Variants in NLGN4X observed in about 807,000 individuals in gnomAD.
The protein encoded by NLGN4X is neuroligin 4 X-linked, also known as neuroligin-4, X-linked.
Under a neutral mutation model 40.3 loss-of-function variants are expected in NLGN4X, and 3 were observed. The ratio of observed to expected loss-of-function variants is 0.07; its 90% CI spans 0.03 to 0.19. The LOEUF (loss-of-function observed/expected upper bound fraction) is 0.19, where lower values mean the gene tolerates loss of function less well. Ranked by LOEUF, NLGN4X falls within the 10% of genes least tolerant of loss-of-function variation. NLGN4X has a pLI of 1.00. For synonymous variants in NLGN4X, 270 were observed against 306.8 expected, an observed-to-expected ratio of 0.88 and a Z score of 1.25; for missense variants, 382 against 708.3, an observed-to-expected ratio of 0.54 and a Z score of 5.23.
chrX:6,054,377 G>T (rs945799588), intron 2 of NLGN4X, among the ~76,000 whole-genome samples: 115 of 111,263 alleles, frequency 1.0e-3, no homozygotes, highest in African/African-American at 3.5e-3. Flanking sequence ...CACTTCGGAA[G>T]AACTAGGTGG....
At chrX:6,067,476 T>C (rs1008586063) in intron 2 of NLGN4X, among the ~76,000 whole-genome samples, 49 of 111,553 alleles carry the variant, frequency 4.4e-4, no homozygotes, top group African/African-American at 1.5e-3. Context: ...AATAAAGGTT[T>C]TGTCTTCATG....
intron 2 of NLGN4X, among the ~76,000 whole-genome samples, chrX:6,134,223 C>T (rs780306036): frequency 3.6e-5 from 4 of 111,848 alleles, no homozygotes; most frequent in Non-Finnish European, 5.6e-5. Context: ...ACACTTCATA[C>T]GGTTGGCTGA....
At chrX:6,100,909 T>A (rs180734490) in intron 2 of NLGN4X, among the ~76,000 whole-genome samples, 1 of 111,179 alleles carries the variant, frequency 9.0e-6, no homozygotes, top group Non-Finnish European at 1.9e-5. Context: ...TTTCTCCTCA[T>A]CCTTCTCAAT....
At chrX:6,095,094 CG>C (rs2038732573) in intron 2 of NLGN4X, among the ~76,000 whole-genome samples, 1 of 18,001 alleles carries the variant, frequency 5.6e-5, no homozygotes. Flanking sequence ...GCTTTAAGTA[CG>C]TGCGTGCGTG....
chrX:6,113,689 T>C (rs1013238459), intron 2 of NLGN4X, among the ~76,000 whole-genome samples: 17 of 76,611 alleles, frequency 2.2e-4, no homozygotes, highest in Non-Finnish European at 3.6e-4. Flanking sequence ...GGAACGTGCT[T>C]GTTTCAAAAA....
intron 2 of NLGN4X, among the ~76,000 whole-genome samples, chrX:6,083,188 G>A (rs1182250961): frequency 1.7e-4 from 17 of 99,724 alleles, no homozygotes; most frequent in African/African-American, 2.9e-4. Flanking sequence ...TTGATCTCCT[G>A]ACCTCATGAT....
At chrX:5,939,660 C>A in intron 3 of NLGN4X, among the ~76,000 whole-genome samples, 1 of 111,237 alleles carries the variant, frequency 9.0e-6, no homozygotes, top group Non-Finnish European at 1.9e-5. Context: ...TTCCCTTTTC[C>A]AAGCATCTTT....
chrX:6,067,819 C>T (rs1439148392), intron 2 of NLGN4X, among the ~76,000 whole-genome samples: 1 of 111,622 alleles, frequency 9.0e-6, no homozygotes, highest in African/African-American at 3.3e-5. Flanking sequence ...GCAATGATGA[C>T]CTTCCTCAGT....
chrX:6,072,312 C>T (rs1339884237), intron 2 of NLGN4X, among the ~76,000 whole-genome samples: 1 of 111,292 alleles, frequency 9.0e-6, no homozygotes, highest in Non-Finnish European at 1.9e-5. Flanking sequence ...ATGCAGAGAA[C>T]GCCCCTGTTT....
intron 3 of NLGN4X, among the ~76,000 whole-genome samples, chrX:5,929,512 GTGTATA>G (rs774518796): frequency 5.9e-4 from 65 of 111,090 alleles, no homozygotes; most frequent in Admixed American, 2.2e-3. Flanking sequence ...AAATATATAT[GTGTATA>G]TGTATATACA....
intron 3 of NLGN4X, among the ~76,000 whole-genome samples, chrX:5,990,902 G>A (rs1270482928): frequency 8.9e-6 from 1 of 112,123 alleles, no homozygotes; most frequent in African/African-American, 3.2e-5. Context: ...TGTATCTAGG[G>A]CTAAATTTCA....
intron 2 of NLGN4X, among the ~76,000 whole-genome samples, chrX:6,138,120 T>C (rs2039862040): frequency 8.9e-6 from 1 of 112,143 alleles, no homozygotes; most frequent in Non-Finnish European, 1.9e-5. Context: ...GTGGAGGTAT[T>C]CTATTTTCTT....
At chrX:5,938,966 CGTGTGTGT>C (rs60927853) in intron 3 of NLGN4X, among the ~76,000 whole-genome samples, 1 of 101,948 alleles carries the variant, frequency 9.8e-6, no homozygotes, top group Non-Finnish European at 2.0e-5. Context: ...TGTGTGTGTG[CGTGTGTGT>C]GTGTGTGTGT....
chrX:6,147,683 T>TAC (rs61550469), intron 2 of NLGN4X, among the ~76,000 whole-genome samples: 28,019 of 106,827 alleles, frequency 0.26, 2,842 homozygotes, highest in Admixed American at 0.28. Flanking sequence ...CTCTGTCACA[T>TAC]ACACACACAC....
At chrX:5,991,473 G>T in intron 3 of NLGN4X, 1 of 520,856 alleles carries the variant, frequency 1.9e-6, no homozygotes, top group Non-Finnish European at 3.5e-6. Flanking sequence ...GTGCCTGCAG[G>T]TGCAGCTGAC....
chrX:6,083,691 GA>G (rs759704147), intron 2 of NLGN4X, among the ~76,000 whole-genome samples: 2 of 112,474 alleles, frequency 1.8e-5, no homozygotes, highest in Non-Finnish European at 1.9e-5. Flanking sequence ...TAAGTGCTGA[GA>G]AAAGAGAAGT....
intron 1 of NLGN4X, among the ~76,000 whole-genome samples, chrX:6,185,244 A>G (rs1921896618): frequency 8.9e-6 from 1 of 112,143 alleles, no homozygotes; most frequent in African/African-American, 3.2e-5. Context: ...CACATGGATC[A>G]TGTTACCTTC....
rs549821969 is a variant in NLGN4X at position 6,164,115 on chromosome X, C to T, written c.-305-12344G>A. Among the ~76,000 whole-genome samples, 9 of 112,816 alleles carry T rather than the reference C, an allele frequency of 8.0e-5. No individual in the cohort carries two copies. In the South Asian group the frequency reaches 3.3e-3, roughly 41 times the overall value. On this transcript the variant is annotated intron_variant, in intron 1 of 5. Transcript: ENST00000381095. Reference sequence around the variant, plus strand: ...CACGATGTAGTCCCTATTGTTTTTGCCTGCAGGAATTTCACTCATTGACAC... The same window carrying T: ...CACGATGTAGTCCCTATTGTTTTTGTCTGCAGGAATTTCACTCATTGACAC...
At position 5,959,859 on chromosome X, in the gene NLGN4X, C is replaced by T. The variant is rs898290796; in HGVS notation, c.626-50620G>A. 9.0e-5 allele frequency among the ~76,000 whole-genome samples: 10 copies of T among 111,314 alleles called. No homozygotes were observed. In the Admixed American group the frequency reaches 9.6e-4, roughly 11 times the overall value. On this transcript the variant is annotated intron_variant, in intron 3 of 5. Transcript: ENST00000381095. Reference sequence around the variant, plus strand: ...TTTGGTTATGATTTAGATTTCTACACCAGGGCCCTGGCAACTCTGAATGAG... The same window carrying T: ...TTTGGTTATGATTTAGATTTCTACATCAGGGCCCTGGCAACTCTGAATGAG...
Sources: gnomAD v4.1 joint callset for allele counts (sites outside exome capture counted in the v4.1 genomes callset) on GRCh38, gnomAD v4.1.1 for gene constraint, MANE v1.5 for transcripts, NCBI Gene and HGNC (gene_info 2026-07-23, HGNC 2026-07-21) for gene names.